Variants in CHRM3 observed in about 807,000 individuals in gnomAD.
CHRM3 encodes cholinergic receptor muscarinic 3.
CHRM3 carries 11 observed loss-of-function variants against 41.8 expected under a neutral mutation model. The observed-to-expected ratio is 0.26, with a 90% CI of 0.17 to 0.44. The LOEUF is 0.44. Among genes scored for constraint, CHRM3 ranks in the 20% least tolerant of loss-of-function variants. The pLI is 1.00. For synonymous variants in CHRM3, 297 were observed against 301.4 expected, an observed-to-expected ratio of 0.99 and a Z score of 0.15; for missense variants, 571 against 745.4, an observed-to-expected ratio of 0.77 and a Z score of 2.72.
intron 1 of CHRM3, among the ~76,000 whole-genome samples, chr1:239,449,016 A>G (rs1664368046): frequency 6.6e-6 from 1 of 152,166 alleles, no homozygotes. Context: ...CCTAGCCTCT[A>G]TTTGATTTTA....
chr1:239,534,823 A>C (rs1308139469), intron 2 of CHRM3, among the ~76,000 whole-genome samples: 1 of 152,254 alleles, frequency 6.6e-6, no homozygotes, highest in African/African-American at 2.4e-5. Context: ...AAATAATAAA[A>C]ATGATAATTT....
chr1:239,652,199 G>A (rs1194487010), intron 4 of CHRM3, among the ~76,000 whole-genome samples: 2 of 152,134 alleles, frequency 1.3e-5, no homozygotes, highest in South Asian at 2.1e-4. Context: ...CCCATACTGA[G>A]CTCTCTGGTC....
At chr1:239,448,245 G>C (rs1664294958) in intron 1 of CHRM3, among the ~76,000 whole-genome samples, 1 of 152,138 alleles carries the variant, frequency 6.6e-6, no homozygotes, top group Admixed American at 6.5e-5. Flanking sequence ...CTGAATAAAT[G>C]TTTCTTTTCT....
chr1:239,905,312 C>T (rs1679886432), intron 6 of CHRM3, among the ~76,000 whole-genome samples: 2 of 152,286 alleles, frequency 1.3e-5, no homozygotes, highest in Middle Eastern at 3.4e-3. Context: ...CTGGATGGAA[C>T]TCTTTAGGTC....
At position 239,842,282 on chromosome 1, in the gene CHRM3, T is replaced by C. The variant is rs750392048; in HGVS notation, c.-20+14904T>C. Among the ~76,000 whole-genome samples the C allele has an allele frequency of 3.3e-5, 5 of 151,552 alleles. No homozygotes were observed. The South Asian group carries it at 1.0e-3, about 32-fold the overall frequency. On this transcript the variant is annotated intron_variant, in intron 6 of 6. Transcript: ENST00000676153. ...TGTCACCCAGCCTGGAGTGCAGTGATGAGATCTCAGCTCACTGCTAACTCC... is the reference window on the plus strand; with the variant it reads ...TGTCACCCAGCCTGGAGTGCAGTGACGAGATCTCAGCTCACTGCTAACTCC...
intron 5 of CHRM3, among the ~76,000 whole-genome samples, chr1:239,817,987 T>C (rs139225399): frequency 2.0e-5 from 3 of 152,328 alleles, no homozygotes; most frequent in African/African-American, 7.2e-5. Context: ...GCTAATAGTA[T>C]GCCTGGTATT....
At chr1:239,878,601 A>ATT (rs75230997) in intron 6 of CHRM3, among the ~76,000 whole-genome samples, 1 of 146,576 alleles carries the variant, frequency 6.8e-6, no homozygotes, top group African/African-American at 2.5e-5. Flanking sequence ...AGTATTTTAA[A>ATT]TTTTTTTTTT....
intron 5 of CHRM3, among the ~76,000 whole-genome samples, chr1:239,757,631 GAA>G (rs34824685): frequency 2.3e-5 from 3 of 128,130 alleles, no homozygotes; most frequent in Admixed American, 7.9e-5. Flanking sequence ...CTCCGTCTCA[GAA>G]AAAAAAAAAA....
At chr1:239,845,619 G>A (rs913135457) in intron 6 of CHRM3, among the ~76,000 whole-genome samples, 7 of 152,094 alleles carry the variant, frequency 4.6e-5, no homozygotes, top group Admixed American at 4.6e-4. Context: ...GAGAATATTT[G>A]TTTATGCTTA....
chr1:239,599,416 CCT>C, intron 3 of CHRM3, among the ~76,000 whole-genome samples: 1 of 128,204 alleles, frequency 7.8e-6, no homozygotes, highest in Middle Eastern at 4.0e-3. Flanking sequence ...ACTACTAAAT[CCT>C]CTGTTTACTG....
intron 6 of CHRM3, chr1:239,886,418 C>T (rs78110676): frequency 3.5e-4 from 53 of 152,262 alleles, no homozygotes; most frequent in African/African-American, 1.2e-3. Context: ...AAAAAATAGA[C>T]GTTCCCATGG....
chr1:239,393,356 A>G (rs575641593), intron 1 of CHRM3, among the ~76,000 whole-genome samples: 1 of 152,308 alleles, frequency 6.6e-6, no homozygotes, highest in East Asian at 1.9e-4. Context: ...GTCTAAAAGC[A>G]CAACTTCTGT....
chr1:239,821,905 C>T (rs750629880), intron 5 of CHRM3, among the ~76,000 whole-genome samples: 1 of 152,156 alleles, frequency 6.6e-6, no homozygotes, highest in African/African-American at 2.4e-5. Flanking sequence ...GTGAGTCTCA[C>T]AAGATCTGAT....
At chr1:239,406,969 T>C (rs575526280) in intron 1 of CHRM3, among the ~76,000 whole-genome samples, 15 of 152,180 alleles carry the variant, frequency 9.9e-5, no homozygotes, top group Non-Finnish European at 1.6e-4. Flanking sequence ...TTTCTTCTTT[T>C]AAGGGATTTC....
chr1:239,828,883 T>G (rs1025575425), intron 6 of CHRM3, among the ~76,000 whole-genome samples: 2 of 152,138 alleles, frequency 1.3e-5, no homozygotes, highest in Non-Finnish European at 2.9e-5. Flanking sequence ...AGGAAATCAC[T>G]TCAGAGACTT....
intron 3 of CHRM3, among the ~76,000 whole-genome samples, chr1:239,594,823 C>T (rs1459587719): frequency 2.0e-5 from 3 of 152,194 alleles, no homozygotes; most frequent in Admixed American, 1.3e-4. Flanking sequence ...GGCACAGTGG[C>T]TCATGCCTAT....
intron 5 of CHRM3, among the ~76,000 whole-genome samples, chr1:239,807,200 T>C (rs1670726242): frequency 6.6e-6 from 1 of 152,224 alleles, no homozygotes; most frequent in African/African-American, 2.4e-5. Flanking sequence ...TTTTAAACTT[T>C]AAAATGCAGT....
chr1:239,841,511 A>G (rs554478881), intron 6 of CHRM3, among the ~76,000 whole-genome samples: 3 of 152,328 alleles, frequency 2.0e-5, no homozygotes, highest in African/African-American at 7.2e-5. Context: ...GCTATTTTTC[A>G]TTAAGCCCAC....
chr1:239,645,462 A>G (rs1335842410), intron 4 of CHRM3, among the ~76,000 whole-genome samples: 1 of 152,250 alleles, frequency 6.6e-6, no homozygotes, highest in Non-Finnish European at 1.5e-5. Context: ...AAAACGATGC[A>G]TTTTAAAGAA....
Sources: allele counts gnomAD v4.1 joint callset (sites outside exome capture counted in the v4.1 genomes callset), GRCh38; gene constraint gnomAD v4.1.1; transcripts MANE v1.5; gene names NCBI Gene and HGNC (gene_info 2026-07-23, HGNC 2026-07-21).